Variants in METTL8 observed in about 807,000 individuals in gnomAD.
METTL8 encodes the protein methyltransferase 8, tRNA N3-cytidine, also known as tRNA N(3)-cytidine methyltransferase METTL8, mitochondrial.
Under a neutral mutation model 48.7 loss-of-function variants are expected in METTL8, and 32 were observed. The observed-to-expected ratio is 0.66, with a 90% CI of 0.50 to 0.88. METTL8 has a LOEUF of 0.88. METTL8 is among the 40% of genes least tolerant of loss of function. The probability of loss-of-function intolerance (pLI) is 0.00; values close to 1 mark genes in which losing one functional copy is unlikely to be tolerated. For synonymous variants in METTL8, 136 were observed against 157.1 expected (o/e 0.87, Z 1.01); for missense variants, 464 against 474.4 (o/e 0.98, Z 0.20).
chr2:171,330,527 C>T (rs1325187300), intron 7 of METTL8, 32 bp downstream of exon 7: 3 of 1,600,592 alleles, frequency 1.9e-6, no homozygotes, highest in South Asian at 2.3e-5. Flanking sequence ...AGGAGCTTTA[C>T]ACATCCACTT....
chr2:171,386,250 C>G (rs1299726711), intron 2 of METTL8, among the ~76,000 whole-genome samples: 1 of 152,150 alleles, frequency 6.6e-6, no homozygotes, highest in Non-Finnish European at 1.5e-5. Context: ...GAGGAGCTTG[C>G]CTAAGATCAG....
At chr2:171,378,596 A>G (rs1687206487) in intron 2 of METTL8, among the ~76,000 whole-genome samples, 1 of 152,144 alleles carries the variant, frequency 6.6e-6, no homozygotes, top group Admixed American at 6.6e-5. Context: ...ACACCACTGC[A>G]CTCCAGCCTG....
intron 3 of METTL8, among the ~76,000 whole-genome samples, chr2:171,347,441 CA>C (rs937190356): frequency 2.0e-5 from 3 of 152,078 alleles, no homozygotes; most frequent in Non-Finnish European, 4.4e-5. Context: ...ATAAATAGGA[CA>C]AAATAGGCAG....
chr2:171,341,449 A>G (rs1201132501), intron 3 of METTL8, among the ~76,000 whole-genome samples: 1 of 151,834 alleles, frequency 6.6e-6, no homozygotes, highest in Non-Finnish European at 1.5e-5. Flanking sequence ...ATGTGGGCCA[A>G]GCTGGTCTCA....
rs1023627037 is a variant in METTL8 at position 171,316,479 on chromosome 2, G to C, written c.*7693C>G. 6.6e-6 allele frequency among the ~76,000 whole-genome samples: 1 copy of C among 152,224 alleles called. No homozygotes were observed. The highest frequency in any genetic ancestry group is 2.4e-5 in the African/African-American group (1 of 41,460). On this transcript the variant is annotated 3_prime_UTR_variant, in exon 10 of 10. Transcript: ENST00000375258. ...TAGGGAGAGAAAGCATGGAAGAAAT[G>C]TGAGTAAAACAAGGAAGATTATAAT...
chr2:171,359,813 G>C lies in METTL8; in HGVS notation c.235+609C>G, dbSNP rs541909698. Among the ~76,000 whole-genome samples the C allele has an allele frequency of 5.9e-5, 9 of 151,958 alleles. No individual in the cohort carries two copies. In the South Asian group the frequency reaches 1.9e-3, roughly 32 times the overall value. On this transcript the variant is annotated intron_variant, in intron 3 of 9. Coordinates refer to ENST00000375258, the MANE Select transcript of METTL8 (RefSeq NM_001321154.2). Reference sequence around the variant, plus strand: ...ATTTTTAGTAGAGACAGGTTTTCTCGATCTCTTGACCTTGTGATCTGCCCA... The same window carrying C: ...ATTTTTAGTAGAGACAGGTTTTCTCCATCTCTTGACCTTGTGATCTGCCCA...
intron 3 of METTL8, among the ~76,000 whole-genome samples, chr2:171,351,962 G>C (rs1683980106): frequency 6.6e-6 from 1 of 152,122 alleles, no homozygotes; most frequent in Non-Finnish European, 1.5e-5. Context: ...TCTTTCTCTT[G>C]CCTGATTGCC....
At chr2:171,354,288 C>G (rs1684277585) in intron 3 of METTL8, among the ~76,000 whole-genome samples, 3 of 152,168 alleles carry the variant, frequency 2.0e-5, no homozygotes, top group African/African-American at 7.2e-5. Context: ...ATATCGGCCC[C>G]CACTCTCTTC....
chr2:171,369,346 G>C (rs1686060958), intron 2 of METTL8, among the ~76,000 whole-genome samples: 1 of 152,144 alleles, frequency 6.6e-6, no homozygotes, highest in Non-Finnish European at 1.5e-5. Flanking sequence ...TCCTTTATAA[G>C]CACATATCTG....
chr2:171,380,803 C>T (rs972013869), intron 2 of METTL8, among the ~76,000 whole-genome samples: 36 of 152,272 alleles, frequency 2.4e-4, no homozygotes, highest in African/African-American at 7.5e-4. Flanking sequence ...CACTCAATAT[C>T]GTGAAAATGC....
intron 2 of METTL8, among the ~76,000 whole-genome samples, chr2:171,385,315 T>G (rs1425714472): frequency 6.7e-6 from 1 of 150,268 alleles, no homozygotes; most frequent in Non-Finnish European, 1.5e-5. Flanking sequence ...TCAGCCTGGG[T>G]GACAGGGCAA....
rs897133199 is a variant in METTL8 at position 171,387,546 on chromosome 2, A to C, written c.143+4497T>G. ...CTCTGTCTTATTTAAAAAAAATTAA[A>C]AAAAAAATTTTTTTTTAAATATATA... On this transcript the variant is annotated intron_variant, in intron 2 of 9. Transcript: ENST00000375258. 1.3e-4 allele frequency among the ~76,000 whole-genome samples: 19 copies of C among 151,816 alleles called. No homozygotes were observed. The South Asian group carries it at 1.7e-3, about 13-fold the overall frequency.
chr2:171,392,968 T>C (rs929664798), intron 1 of METTL8, among the ~76,000 whole-genome samples: 5 of 145,084 alleles, frequency 3.4e-5, no homozygotes, highest in Non-Finnish European at 7.5e-5. Flanking sequence ...TATCCAGGAG[T>C]GATGTGAATT....
intron 2 of METTL8, among the ~76,000 whole-genome samples, chr2:171,390,553 A>C (rs1346103168): frequency 1.3e-5 from 2 of 152,184 alleles, no homozygotes; most frequent in Non-Finnish European, 2.9e-5. Flanking sequence ...CATCAATAGG[A>C]GTTTGGAAGA....
intron 1 of METTL8, among the ~76,000 whole-genome samples, chr2:171,393,870 C>A (rs1231171097): frequency 1.3e-5 from 2 of 152,028 alleles, no homozygotes; most frequent in Non-Finnish European, 2.9e-5. Context: ...TACTTTTAAA[C>A]ATAAAATTCA....
At chr2:171,390,891 A>T (rs1461598593) in intron 2 of METTL8, among the ~76,000 whole-genome samples, 1 of 152,246 alleles carries the variant, frequency 6.6e-6, no homozygotes, top group Non-Finnish European at 1.5e-5. Context: ...TCTAAATATT[A>T]AACAAAATAT....
intron 1 of METTL8, among the ~76,000 whole-genome samples, chr2:171,393,019 G>A (rs913065868): frequency 4.6e-5 from 7 of 151,898 alleles, no homozygotes; most frequent in Admixed American, 2.0e-4. Context: ...CAAGAGAATC[G>A]CTTGAACCCA....
intron 1 of METTL8, among the ~76,000 whole-genome samples, chr2:171,404,066 TATATATATATATATATATATA>T (rs1475807484): frequency 1.6e-5 from 1 of 64,210 alleles, no homozygotes; most frequent in Non-Finnish European, 3.3e-5. Flanking sequence ...TATATATATA[TATATATATATATATATATATA>T]TATATATATA....
rs184856958 is a variant in METTL8 at position 171,420,904 on chromosome 2, G to A, written c.-13+12979C>T. Among the ~76,000 whole-genome samples the A allele has an allele frequency of 2.0e-5, 3 of 152,304 alleles. No individual in the cohort carries two copies. The East Asian group carries it at 5.8e-4, about 29-fold the overall frequency. ...AAATGGAAGACAATTTCATTAACTT[G>A]ATAAAGGGTAGCTGCCAAAAACTTA... On this transcript the variant is annotated intron_variant, in intron 1 of 9. Coordinates refer to ENST00000375258, the MANE Select transcript of METTL8 (RefSeq NM_001321154.2).
Sources: gnomAD v4.1 joint callset for allele counts (sites outside exome capture counted in the v4.1 genomes callset) on GRCh38, gnomAD v4.1.1 for gene constraint, MANE v1.5 for transcripts, NCBI Gene and HGNC (gene_info 2026-07-23, HGNC 2026-07-21) for gene names.